SAFB2: variants seen among roughly 807,000 people sequenced by gnomAD.
SAFB2 encodes scaffold attachment factor B2.
SAFB2 carries 32 observed loss-of-function variants against 100.6 expected under a neutral mutation model. The ratio of observed to expected loss-of-function variants is 0.32; its 90% confidence interval spans 0.24 to 0.43. SAFB2 has a LOEUF of 0.43. Among genes scored for constraint, SAFB2 ranks in the 20% least tolerant of loss-of-function variants. The pLI, the probability that SAFB2 is intolerant of heterozygous loss-of-function variation, is 1.00. For missense variants in SAFB2, 1,185 were observed against 1,163.4 expected (o/e 1.02, Z -0.27); for synonymous variants, 500 against 439.4 (o/e 1.14, Z -1.72).
chr19:5,590,474 G>A (rs923768182), intron 17 of SAFB2, 66 bp from the exon 18 acceptor site: 8 of 1,512,368 alleles, frequency 5.3e-6, no homozygotes, highest in Non-Finnish European at 7.1e-6. Flanking sequence ...CCTTCCGGAA[G>A]GCCTGTCCAC....
At chr19:5,621,197 G>A in intron 2 of SAFB2, 112 bp downstream of exon 2, 2 of 742,474 alleles carry the variant, frequency 2.7e-6, no homozygotes, top group Non-Finnish European at 4.9e-6. Context: ...TTAGTGGAGG[G>A]ACACCGAGTA....
Position 5,592,818 on chromosome 19 carries a change from G to A in SAFB2, c.2277C>T (p.Pro759=), listed in dbSNP as rs1251745183. 1 of 1,614,018 alleles carries A rather than the reference G, an allele frequency of 6.2e-7. No individual in the cohort carries two copies. Among genetic ancestry groups the A allele is most frequent in the African/African-American group, 1.3e-5 (1 of 74,932 alleles). ...AGTCGTGAAAGCGGTGGTCTGGCCG[G>A]GGAAAGTCTGCACGATATCGGTCCT... ...AMEDRYRADF[P]RPDHRFHDFD... Residue 759 remains proline (P), a synonymous_variant, in exon 16 of 21, where the codon CCC becomes CCT. Coordinates refer to ENST00000252542, the MANE Select transcript of SAFB2 (RefSeq NM_014649.3).
At position 5,609,917 on chromosome 19, in the gene SAFB2, C is replaced by T. The variant is rs1054127394; in HGVS notation, c.1296+78G>A. 28 of 1,261,046 alleles carry T rather than the reference C, an allele frequency of 2.2e-5. No individual in the cohort carries two copies. In the African/African-American group the frequency reaches 3.6e-4, roughly 16 times the overall value. The allele number at this position is 1,261,046 out of a possible 1,614,324, so 78.1% of individuals were successfully genotyped here. On this transcript the variant is annotated intron_variant, in intron 9 of 20. Transcript: ENST00000252542. ...CCTCCCAAACTGCTGGGATTATAGACGTGAACCACCGTGCCCAGCAGAGCT... is the reference window on the plus strand; with the variant it reads ...CCTCCCAAACTGCTGGGATTATAGATGTGAACCACCGTGCCCAGCAGAGCT...
chr19:5,588,584 C>G lies in SAFB2; in HGVS notation c.2526-604G>C, dbSNP rs566356233. On this transcript the variant is annotated intron_variant, in intron 18 of 20. Transcript: ENST00000252542. ...AGGAAGGAAGCGCTGGCCCAGGCAG[C>G]ATGTGGAGATGAGCCCTGAATACCC... is the stretch of plus-strand genomic sequence containing the variant. Among the ~76,000 whole-genome samples, 101 of 152,214 alleles carry G rather than the reference C, an allele frequency of 6.6e-4. 2 individuals are homozygous for G. The Middle Eastern group carries it at 0.017, about 26-fold the overall frequency.
At position 5,604,962 on chromosome 19, in the gene SAFB2, C is replaced by T. The variant is rs751095920; in HGVS notation, c.1297-26G>A. ...CTTCATGAAAAAGGGCACTCTTACTCTCTCATACAAATGACCACACAACTT... is the reference window on the plus strand; with the variant it reads ...CTTCATGAAAAAGGGCACTCTTACTTTCTCATACAAATGACCACACAACTT... On this transcript the variant is annotated intron_variant, in intron 9 of 20. Coordinates refer to ENST00000252542, the MANE Select transcript of SAFB2 (RefSeq NM_014649.3). The T allele has an allele frequency of 2.5e-6, 4 of 1,607,344 alleles. No homozygotes were observed. In the South Asian group the frequency reaches 3.3e-5, roughly 13 times the overall value.
Position 5,605,495 on chromosome 19 carries a change from C to A in SAFB2, c.1297-559G>T, listed in dbSNP as rs578169671. On this transcript the variant is annotated intron_variant, in intron 9 of 20. Coordinates refer to ENST00000252542, the MANE Select transcript of SAFB2 (RefSeq NM_014649.3). ...TATAAAACCATTAAACTTCATTACT[C>A]ACAACTAATAACCAGAAGTCCTACC... Among the ~76,000 whole-genome samples, 12 of 152,316 alleles carry A rather than the reference C, an allele frequency of 7.9e-5. No individual in the cohort carries two copies. The South Asian group carries it at 2.5e-3, about 32-fold the overall frequency.
chr19:5,594,261 T>C, intron 14 of SAFB2, 83 bp from the exon 15 acceptor site: 1 of 1,430,948 alleles, frequency 7.0e-7, no homozygotes, highest in Non-Finnish European at 9.2e-7. Flanking sequence ...GGGTGTGTAT[T>C]GGAAGCAGAA....
In SAFB2 at chr19:5,598,951, C is replaced by A. The variant is rs1255849355; in HGVS notation, c.1691-67G>T. On this transcript the variant is annotated intron_variant, in intron 12 of 20. Coordinates refer to ENST00000252542, the MANE Select transcript of SAFB2 (RefSeq NM_014649.3). ...CCCCAACTTCCCGCAGTAAACAGCA[C>A]TCTGATGGACCCTGGGCTTTTGAAC... 1.3e-5 allele frequency: 18 copies of A among 1,406,830 alleles called. 1 individual carries two copies. In the East Asian group the frequency reaches 3.9e-4, roughly 30 times the overall value. The allele number at this position is 1,406,830 out of a possible 1,614,324, so 87.1% of individuals were successfully genotyped here.
rs2053022011 is a variant in SAFB2 at position 5,616,058 on chromosome 19, T to TCACACGAGCAG, written c.543+63_543+73dup. ...CATGGCGGTTTAGCTGTGTTCTCCC[T>TCACACGAGCAG]CACACGAGCAGCACGCGAGCACCAG... On this transcript the variant is annotated intron_variant, in intron 4 of 20. Transcript: ENST00000252542. 3.6e-6 allele frequency: 5 copies of TCACACGAGCAG among 1,407,900 alleles called. No individual in the cohort carries two copies. In the Admixed American group the frequency reaches 8.6e-5, roughly 24 times the overall value. The allele number at this position is 1,407,900 out of a possible 1,614,324, so 87.2% of individuals were successfully genotyped here. A position where few individuals can be genotyped will look rare whatever the true frequency, so the allele number is the denominator to read the frequency against.
intron 2 of SAFB2, among the ~76,000 whole-genome samples, chr19:5,617,773 C>T (rs958090517): frequency 1.4e-4 from 21 of 152,278 alleles, no homozygotes; most frequent in African/African-American, 5.1e-4. Flanking sequence ...TGCTGAGAAA[C>T]CCTGTGGGAC....
rs774233366 is a variant in SAFB2 at position 5,595,493 on chromosome 19, G to T, written c.1787C>A (p.Ser596Tyr). The change falls in exon 14 of 21, where the codon TCC becomes TAC. Residue 596 changes from serine (S) to tyrosine (Y), a missense_variant. Transcript: ENST00000252542. ...TTCTGACTTGCGATCCTGACTCTTG[G>T]AGCTCTGTTTACCAAAACTGGTTTA... ...KTTSRSKERS[S>Y]KSQDRKSESK... is the part of the protein sequence containing the mutation. The T allele has an allele frequency of 1.9e-6, 3 of 1,613,378 alleles. No individual in the cohort carries two copies. The highest frequency in any genetic ancestry group is 2.5e-6 in the Non-Finnish European group (3 of 1,180,004).
At chr19:5,589,092 A>G (rs1359374616) in intron 18 of SAFB2, 1 of 152,270 alleles carries the variant, frequency 6.6e-6, no homozygotes, top group African/African-American at 2.4e-5. Flanking sequence ...CAGAGCCCCC[A>G]GCGCGCACTG....
At chr19:5,621,565 C>T (rs2053148929) in intron 1 of SAFB2, among the ~76,000 whole-genome samples, 169 bp from the exon 2 acceptor site, 1 of 152,240 alleles carries the variant, frequency 6.6e-6, no homozygotes, top group African/African-American at 2.4e-5. Context: ...GAACCCCGCA[C>T]AACTTGGGTC....
In SAFB2 at chr19:5,611,943, A is replaced by T. The variant is rs1213874845; in HGVS notation, c.635-313T>A. ...GTCTGGGTCTTCTGACTGATTTTCC[A>T]ATGTCCAAGGTGCTGAACCGAATGC... On this transcript the variant is annotated intron_variant, in intron 6 of 20. Coordinates refer to ENST00000252542, the MANE Select transcript of SAFB2 (RefSeq NM_014649.3). 11 of 487,802 alleles carry T rather than the reference A, an allele frequency of 2.3e-5. No homozygotes were observed. The East Asian group carries it at 4.6e-4, about 20-fold the overall frequency. The allele number at this position is 487,802 out of a possible 1,614,324, so 30.2% of individuals were successfully genotyped here.
intron 14 of SAFB2, 85 bp downstream of exon 14, chr19:5,595,276 A>G: frequency 6.6e-7 from 1 of 1,524,974 alleles, no homozygotes; most frequent in Admixed American, 2.0e-5. Context: ...GGGCACACAG[A>G]CTGCGCACTC....
intron 5 of SAFB2, among the ~76,000 whole-genome samples, 170 bp downstream of exon 5, chr19:5,613,294 GC>G (rs2052949043): frequency 6.6e-6 from 1 of 152,106 alleles, no homozygotes; most frequent in South Asian, 2.1e-4. Flanking sequence ...TGATCCCACT[GC>G]CCCTGCTAGA....
chr19:5,621,156 C>T (rs2053132488), intron 2 of SAFB2, among the ~76,000 whole-genome samples, 153 bp downstream of exon 2: 1 of 152,182 alleles, frequency 6.6e-6, no homozygotes, highest in Non-Finnish European at 1.5e-5. Flanking sequence ...GACAGAGCTA[C>T]CTGTTAGGTG....
rs771629182 is a variant in SAFB2 at position 5,615,542 on chromosome 19, TA to T, written c.543+589del. On this transcript the variant is annotated intron_variant, in intron 4 of 20. Transcript: ENST00000252542. The stretch of plus-strand genomic sequence containing the variant: ...GGGTAACCTAGTGAGATCCCGCCTC[TA>T]AAAAAAAAAAAATTTTTTTTTAATT... Among the ~76,000 whole-genome samples, 641 of 143,428 alleles carry T rather than the reference TA, an allele frequency of 4.5e-3. 2 individuals are homozygous for T. The highest frequency in any genetic ancestry group is 0.012 in the Middle Eastern group (3 of 256). The allele number at this position is 143,428 out of a possible 152,430, so 94.1% of individuals were successfully genotyped here.
rs760210223 is a variant in SAFB2 at position 5,621,382 on chromosome 19, CTCT to C, written c.198_200del (p.Glu67del). On this transcript the variant is annotated inframe_deletion, in exon 2 of 21. Transcript: ENST00000252542. ...TGCCAATTTCATCAGGATCTTGCCC[CTCT>C]TCTTTAACCGCCTATTAGGGAGAGA... The C allele has an allele frequency of 6.2e-7, 1 of 1,612,672 alleles. No individual in the cohort carries two copies. The highest frequency in any genetic ancestry group is 8.5e-7 in the Non-Finnish European group (1 of 1,178,782).
Sources: allele counts gnomAD v4.1 joint callset (sites outside exome capture counted in the v4.1 genomes callset), GRCh38; gene constraint gnomAD v4.1.1; transcripts MANE v1.5; gene names NCBI Gene and HGNC (gene_info 2026-07-23, HGNC 2026-07-21).